The following ZNF107 variants were observed in gnomAD, a reference collection of about 807,000 sequenced individuals.
The protein encoded by ZNF107 is C2H2 type zinc-finger protein.
A neutral mutation model predicts 12.3 loss-of-function variants in ZNF107; 19 were observed. That is an observed-to-expected ratio of 1.55 (90% CI 1.08 to 2.27). The LOEUF (loss-of-function observed/expected upper bound fraction) is 2.27. Among genes scored for constraint, ZNF107 ranks in the 30% most tolerant of loss-of-function variants. ZNF107 has a pLI of 0.00. For missense variants in ZNF107, 958 were observed against 979.9 expected, an observed-to-expected ratio of 0.98 and a Z score of 0.30; for synonymous variants, 317 against 330.5, an observed-to-expected ratio of 0.96 and a Z score of 0.44.
chr7:64,707,928 C>T lies in ZNF107; in HGVS notation c.1831C>T (p.His611Tyr), dbSNP rs1174923038. Residue 611 changes from histidine (H) to tyrosine (Y), a missense_variant, in exon 4 of 4, where the codon CAT (histidine) becomes TAT (tyrosine). Physicochemically the swap from His to Tyr is moderately conservative, Grantham distance 83. Coordinates refer to ENST00000620827, the MANE Select transcript of ZNF107 (RefSeq NM_001282359.2). ...TAAACAGTCCTCACACCGTACTATA[C>T]ATAAAATTATTCATACTGGAGAGAA... ...AFKQSSHRTI[H>Y]KIIHTGEKPY... 1.9e-6 allele frequency: 3 copies of T among 1,613,452 alleles called. No homozygotes were observed. The highest frequency in any genetic ancestry group is 2.5e-6 in the Non-Finnish European group (3 of 1,179,774).
rs59441538 is a variant in ZNF107 at position 64,705,696 on chromosome 7, CTTT to C, written c.227-614_227-612del. 5.7e-3 allele frequency among the ~76,000 whole-genome samples: 764 copies of C among 134,970 alleles called. 22 individuals carry two copies. In the East Asian group the frequency reaches 0.095, roughly 17 times the overall value. The allele number at this position is 134,970 out of a possible 152,430, so 88.5% of individuals were successfully genotyped here. ...ATGTGTCTTGTCTGAAATTTTCTAG[CTTT>C]TTTTTTTTTTTTTCAGTTAAAAGAG... On this transcript the variant is annotated intron_variant, in intron 3 of 3. Transcript: ENST00000620827.
At chr7:64,695,967 A>G (rs1790273118) in intron 3 of ZNF107, among the ~76,000 whole-genome samples, 1 of 151,360 alleles carries the variant, frequency 6.6e-6, no homozygotes, top group Non-Finnish European at 1.5e-5. Flanking sequence ...GGTGGCTCAC[A>G]TCTATAATCC....
intron 1 of ZNF107, among the ~76,000 whole-genome samples, chr7:64,670,824 T>C (rs1004105632): frequency 6.6e-6 from 1 of 152,214 alleles, no homozygotes; most frequent in Non-Finnish European, 1.5e-5. Flanking sequence ...CACAGTGTTT[T>C]GCAGAGTTCT....
chr7:64,677,534 T>C (rs982449351), intron 1 of ZNF107, among the ~76,000 whole-genome samples: 6 of 150,942 alleles, frequency 4.0e-5, no homozygotes, highest in African/African-American at 1.5e-4. Flanking sequence ...ATTCTTTCAG[T>C]TGCATACAGT....
At chr7:64,684,102 C>T (rs1789800379) in intron 1 of ZNF107, among the ~76,000 whole-genome samples, 1 of 152,156 alleles carries the variant, frequency 6.6e-6, no homozygotes, top group Non-Finnish European at 1.5e-5. Flanking sequence ...GTTGAAAGAG[C>T]CAACGGCCTC....
intron 1 of ZNF107, chr7:64,687,212 A>T (rs1584477124): frequency 5.1e-6 from 5 of 986,394 alleles, no homozygotes; most frequent in African/African-American, 3.5e-5. Context: ...GTGTCTGTTA[A>T]TGAGGTGGGC....
chr7:64,684,534 T>A (rs1789821885), intron 1 of ZNF107: 2 of 975,462 alleles, frequency 2.1e-6, no homozygotes, highest in Non-Finnish European at 2.4e-6. Flanking sequence ...AGCCTGACCC[T>A]TCTTCCTCCT....
At chr7:64,671,015 T>C (rs1356523456) in intron 1 of ZNF107, among the ~76,000 whole-genome samples, 1 of 152,194 alleles carries the variant, frequency 6.6e-6, no homozygotes, top group Non-Finnish European at 1.5e-5. Context: ...AATTCAAATG[T>C]TAAACAATGT....
chr7:64,691,380 G>A lies in ZNF107; in HGVS notation c.130+6G>A. ...CAGAAACCTGGTCTTTTTGGGTGAG[G>A]ATAACTTCAATACACAATTCCCAAA... On this transcript the variant is annotated splice_donor_region_variant and intron_variant, in intron 2 of 3. Transcript: ENST00000620827. 6.9e-7 allele frequency: 1 copy of A among 1,459,746 alleles called. No individual in the cohort carries two copies. Among genetic ancestry groups the A allele is most frequent in the Non-Finnish European group, 9.0e-7 (1 of 1,105,420 alleles). The allele number at this position is 1,459,746 out of a possible 1,614,324, so 90.4% of individuals were successfully genotyped here.
At chr7:64,678,216 C>A (rs1488191247) in intron 1 of ZNF107, among the ~76,000 whole-genome samples, 3 of 152,074 alleles carry the variant, frequency 2.0e-5, no homozygotes, top group African/African-American at 2.4e-5. Flanking sequence ...AATCAAAACT[C>A]ATTTTAAGAG....
intron 1 of ZNF107, among the ~76,000 whole-genome samples, chr7:64,675,593 C>T (rs1789388128): frequency 6.6e-6 from 1 of 151,986 alleles, no homozygotes; most frequent in South Asian, 2.1e-4. Flanking sequence ...TCTAAATTTC[C>T]TTTGGTACAG....
chr7:64,701,520 T>A (rs1790476690), intron 3 of ZNF107, among the ~76,000 whole-genome samples: 1 of 152,024 alleles, frequency 6.6e-6, no homozygotes, highest in Non-Finnish European at 1.5e-5. Flanking sequence ...TTACAAGTGT[T>A]AGCCACTGTG....
chr7:64,703,772 T>TTA (rs1034913348), intron 3 of ZNF107, among the ~76,000 whole-genome samples: 8 of 152,022 alleles, frequency 5.3e-5, no homozygotes, highest in African/African-American at 1.7e-4. Context: ...ATAAAGTGAA[T>TTA]TATATATATA....
intron 3 of ZNF107, among the ~76,000 whole-genome samples, chr7:64,696,702 A>C (rs1790300451): frequency 1.3e-5 from 2 of 152,132 alleles, no homozygotes; most frequent in Non-Finnish European, 2.9e-5. Context: ...GTGACTACTT[A>C]AGTTATCTCA....
chr7:64,684,840 C>T (rs974938649), intron 1 of ZNF107: 12 of 541,106 alleles, frequency 2.2e-5, no homozygotes, highest in African/African-American at 8.2e-5. Flanking sequence ...CTGGCATGGC[C>T]GCACTCCCAC....
chr7:64,703,095 A>C (rs1263814000), intron 3 of ZNF107, among the ~76,000 whole-genome samples: 4 of 151,976 alleles, frequency 2.6e-5, no homozygotes, highest in Non-Finnish European at 5.9e-5. Flanking sequence ...CCATGCTTTA[A>C]TTTTGTTTTG....
intron 1 of ZNF107, among the ~76,000 whole-genome samples, chr7:64,685,187 A>G (rs946945036): frequency 2.6e-5 from 4 of 152,096 alleles, no homozygotes; most frequent in African/African-American, 9.7e-5. Flanking sequence ...AAGCCCATAC[A>G]CGGCCCTGTG....
chr7:64,666,721 A>G (rs1163124202), intron 1 of ZNF107, among the ~76,000 whole-genome samples: 2 of 152,170 alleles, frequency 1.3e-5, no homozygotes, highest in African/African-American at 2.4e-5. Context: ...TTAAAAATCT[A>G]TGGAAGTCAC....
intron 1 of ZNF107, among the ~76,000 whole-genome samples, chr7:64,682,999 T>C (rs1369502362): frequency 6.6e-6 from 1 of 152,200 alleles, no homozygotes; most frequent in Non-Finnish European, 1.5e-5. Context: ...ACTTGGTTTA[T>C]TGATGGTAGT....
Sources: gnomAD v4.1 joint callset for allele counts (sites outside exome capture counted in the v4.1 genomes callset) on GRCh38, gnomAD v4.1.1 for gene constraint, MANE v1.5 for transcripts, NCBI Gene and HGNC (gene_info 2026-07-23, HGNC 2026-07-21) for gene names.